CTNNA2: variants seen among roughly 807,000 people sequenced by gnomAD.
CTNNA2 encodes catenin alpha-2.
A neutral mutation model predicts 101.0 loss-of-function variants in CTNNA2; 42 were observed. The observed-to-expected ratio is 0.42, with a 90% CI of 0.32 to 0.54. The LOEUF (loss-of-function observed/expected upper bound fraction) is 0.54. CTNNA2 is among the 20% of genes least tolerant of loss of function. CTNNA2 has a pLI of 0.14. For missense variants in CTNNA2, 871 were observed against 1,223.1 expected (o/e 0.71, Z 4.29); for synonymous variants, 450 against 456.4 (o/e 0.99, Z 0.18).
intron 8 of CTNNA2, among the ~76,000 whole-genome samples, chr2:80,412,391 G>A (rs1679662877): frequency 6.6e-6 from 1 of 152,160 alleles, no homozygotes; most frequent in Admixed American, 6.5e-5. Flanking sequence ...TATACAAATA[G>A]TAAATTACAG....
At chr2:79,573,933 A>G (rs984968582) in intron 1 of CTNNA2, 1 of 156,658 alleles carries the variant, frequency 6.4e-6, no homozygotes, top group Non-Finnish European at 1.4e-5. Context: ...ATTGATCAAC[A>G]CTTGCACATT....
intron 9 of CTNNA2, among the ~76,000 whole-genome samples, chr2:80,528,702 A>AAT (rs1690256789): frequency 1.3e-5 from 2 of 151,960 alleles, no homozygotes; most frequent in South Asian, 2.1e-4. Context: ...TAAATAAATA[A>AAT]AAATAAAAAT....
chr2:79,706,929 C>A (rs1416124067), intron 2 of CTNNA2, among the ~76,000 whole-genome samples: 1 of 152,196 alleles, frequency 6.6e-6, no homozygotes, highest in Non-Finnish European at 1.5e-5. Context: ...TCTGGTCCCT[C>A]TGCCACAGAA....
chr2:80,099,392 G>C (rs1333462292), intron 7 of CTNNA2, among the ~76,000 whole-genome samples: 1 of 152,116 alleles, frequency 6.6e-6, no homozygotes, highest in Non-Finnish European at 1.5e-5. Context: ...AACCCTGCAT[G>C]TTGGAATACA....
At chr2:79,532,259 A>C (rs1340328322) in intron 1 of CTNNA2, among the ~76,000 whole-genome samples, 1 of 152,116 alleles carries the variant, frequency 6.6e-6, no homozygotes, top group Non-Finnish European at 1.5e-5. Context: ...CTCTGTCCCT[A>C]GAAAGTAATT....
At chr2:79,604,479 A>C (rs1307893614) in intron 1 of CTNNA2, among the ~76,000 whole-genome samples, 1 of 152,152 alleles carries the variant, frequency 6.6e-6, no homozygotes, top group South Asian at 2.1e-4. Context: ...TGAGTTGAAG[A>C]ACTGAGTTGC....
chr2:80,342,881 G>T (rs899592853), intron 7 of CTNNA2, among the ~76,000 whole-genome samples: 1 of 152,180 alleles, frequency 6.6e-6, no homozygotes, highest in Non-Finnish European at 1.5e-5. Context: ...CAAGATCAAG[G>T]TATCAGCATG....
chr2:79,844,828 C>CTT (rs10624435), intron 3 of CTNNA2, among the ~76,000 whole-genome samples: 136,375 of 151,952 alleles, frequency 0.9, 61,309 homozygotes, highest in Non-Finnish European at 0.91. Flanking sequence ...CATCTATACT[C>CTT]TGTCTTTTAG....
intron 7 of CTNNA2, among the ~76,000 whole-genome samples, chr2:80,101,277 T>A (rs1471238998): frequency 2.0e-5 from 3 of 152,206 alleles, no homozygotes; most frequent in African/African-American, 7.2e-5. Context: ...TCTAAAATGC[T>A]TTGTGATTGC....
chr2:80,633,367 G>T (rs912307383), intron 18 of CTNNA2, among the ~76,000 whole-genome samples: 4 of 152,142 alleles, frequency 2.6e-5, no homozygotes, highest in African/African-American at 9.7e-5. Context: ...AGTGGAAGAT[G>T]ATGTTCCCTG....
chr2:79,237,084 A>G (rs1427512642), intron 2 of CTNNA2, among the ~76,000 whole-genome samples: 2 of 152,238 alleles, frequency 1.3e-5, no homozygotes, highest in Non-Finnish European at 1.5e-5. Context: ...AGAAATCACT[A>G]TCTATGGCAG....
Position 80,210,491 on chromosome 2 carries a change from G to A in CTNNA2, c.1057-182720G>A, listed in dbSNP as rs566371784. 3.9e-5 allele frequency among the ~76,000 whole-genome samples: 6 copies of A among 152,040 alleles called. No individual in the cohort carries two copies. The South Asian group carries it at 1.2e-3, about 32-fold the overall frequency. ...TGATTTTCTGTCCTTGCGATAGTTTGCTGAGAATGATGGTTTCCAGCTTCA... is the reference window on the plus strand; with the variant it reads ...TGATTTTCTGTCCTTGCGATAGTTTACTGAGAATGATGGTTTCCAGCTTCA... On this transcript the variant is annotated intron_variant, in intron 7 of 18. Transcript: ENST00000402739.
chr2:80,549,951 G>A lies in CTNNA2; in HGVS notation c.1540+3888G>A, dbSNP rs79732226. Among the ~76,000 whole-genome samples, 684 of 152,174 alleles carry A rather than the reference G, an allele frequency of 4.5e-3. 6 individuals carry two copies. Among genetic ancestry groups the A allele is most frequent in the African/African-American group, 0.015 (643 of 41,520 alleles). On this transcript the variant is annotated intron_variant, in intron 11 of 18. Coordinates refer to ENST00000402739, the MANE Select transcript of CTNNA2 (RefSeq NM_001282597.3). The stretch of plus-strand genomic sequence containing the variant: ...AGACCTGAAGGCACAGGGTATGGGG[G>A]TGAGGAAGTTATTACAGGGGGTTCA...
chr2:79,822,256 T>G, intron 3 of CTNNA2, among the ~76,000 whole-genome samples: 2 of 152,250 alleles, frequency 1.3e-5, no homozygotes, highest in Admixed American at 1.3e-4. Flanking sequence ...ATACTATATT[T>G]TACTATTTCT....
intron 2 of CTNNA2, among the ~76,000 whole-genome samples, chr2:79,280,825 G>A (rs1228961464): frequency 6.6e-6 from 1 of 152,014 alleles, no homozygotes; most frequent in African/African-American, 2.4e-5. Flanking sequence ...AAAGGAAAGT[G>A]CCTGGGTGCC....
At chr2:80,468,018 G>A (rs914114426) in intron 9 of CTNNA2, among the ~76,000 whole-genome samples, 4 of 152,240 alleles carry the variant, frequency 2.6e-5, no homozygotes, top group East Asian at 3.9e-4. Flanking sequence ...ATAAGTGTTC[G>A]ATTTTTCATG....
At chr2:79,962,674 G>T (rs977657832) in intron 7 of CTNNA2, among the ~76,000 whole-genome samples, 1 of 152,156 alleles carries the variant, frequency 6.6e-6, no homozygotes, top group African/African-American at 2.4e-5. Context: ...GCTAAGTTCC[G>T]ACTGGTAGGT....
chr2:79,778,612 T>C (rs1674179752), intron 3 of CTNNA2, among the ~76,000 whole-genome samples: 1 of 152,146 alleles, frequency 6.6e-6, no homozygotes, highest in Non-Finnish European at 1.5e-5. Context: ...TATACACACA[T>C]ATATACACAC....
chr2:80,422,690 T>C (rs1306504619), intron 9 of CTNNA2, among the ~76,000 whole-genome samples: 1 of 152,198 alleles, frequency 6.6e-6, no homozygotes, highest in African/African-American at 2.4e-5. Flanking sequence ...TCTGCAGATG[T>C]TGAGATGATT....
Sources: allele counts gnomAD v4.1 joint callset (sites outside exome capture counted in the v4.1 genomes callset), GRCh38; gene constraint gnomAD v4.1.1; transcripts MANE v1.5; gene names NCBI Gene and HGNC (gene_info 2026-07-23, HGNC 2026-07-21).